Variants in MYRIP observed in about 807,000 individuals in gnomAD.
The protein encoded by MYRIP is rab effector MyRIP.
In MYRIP, 49 loss-of-function variants were observed where a neutral mutation model predicts 98.0. The ratio of observed to expected loss-of-function variants is 0.50; its 90% CI spans 0.40 to 0.63. The LOEUF is 0.63. Among genes scored for constraint, MYRIP ranks in the 30% least tolerant of loss-of-function variants. The pLI is 0.00. For synonymous variants in MYRIP, 404 were observed against 409.5 expected, an observed-to-expected ratio of 0.99 and a Z score of 0.16; for missense variants, 1,004 against 1,058.2, an observed-to-expected ratio of 0.95 and a Z score of 0.71.
At chr3:39,991,747 C>G (rs1213286456) in intron 2 of MYRIP, among the ~76,000 whole-genome samples, 1 of 152,192 alleles carries the variant, frequency 6.6e-6, no homozygotes, top group African/African-American at 2.4e-5. Context: ...CATAGCAGCA[C>G]TCCAGGTGTC....
chr3:39,850,645 T>C (rs1319975820), intron 1 of MYRIP, among the ~76,000 whole-genome samples: 1 of 152,246 alleles, frequency 6.6e-6, no homozygotes, highest in Non-Finnish European at 1.5e-5. Context: ...CCTACTGTGT[T>C]TGATCACAAA....
chr3:39,944,330 A>G (rs979700781), intron 2 of MYRIP, among the ~76,000 whole-genome samples: 1 of 152,192 alleles, frequency 6.6e-6, no homozygotes, highest in Non-Finnish European at 1.5e-5. Flanking sequence ...AAAACATACT[A>G]TGGTATATCC....
At chr3:39,891,218 A>G (rs910024692) in intron 1 of MYRIP, among the ~76,000 whole-genome samples, 1 of 152,066 alleles carries the variant, frequency 6.6e-6, no homozygotes, top group Admixed American at 6.6e-5. Flanking sequence ...GGTAATGCAT[A>G]TTTATTTTTA....
At chr3:39,809,198 G>T (rs1940571031), upstream of MYRIP, among the ~76,000 whole-genome samples, 1 of 152,030 alleles carries the variant, frequency 6.6e-6, no homozygotes, top group Admixed American at 6.5e-5. Flanking sequence ...GGTCACTGAG[G>T]GTCCGGGCCC....
chr3:40,136,936 G>A (rs1239326433), intron 3 of MYRIP, among the ~76,000 whole-genome samples: 4 of 152,186 alleles, frequency 2.6e-5, no homozygotes, highest in East Asian at 1.9e-4. Flanking sequence ...AAGCAGGAAA[G>A]ATCTAAAATG....
intron 3 of MYRIP, among the ~76,000 whole-genome samples, chr3:40,150,493 T>A (rs1950098890): frequency 6.6e-6 from 1 of 152,256 alleles, no homozygotes; most frequent in Non-Finnish European, 1.5e-5. Flanking sequence ...AGAATTTTGC[T>A]ATCTTCCTTG....
chr3:40,204,932 C>A (rs544657637), intron 10 of MYRIP, among the ~76,000 whole-genome samples: 9 of 152,288 alleles, frequency 5.9e-5, no homozygotes, highest in Admixed American at 5.9e-4. Flanking sequence ...ACCCCTTCCA[C>A]GGGCACCAGA....
At chr3:40,156,857 T>A (rs1340267511) in intron 4 of MYRIP, among the ~76,000 whole-genome samples, 1 of 151,964 alleles carries the variant, frequency 6.6e-6, no homozygotes, top group Non-Finnish European at 1.5e-5. Context: ...TCCTGAAGAC[T>A]TTGCTGAAGT....
Position 40,250,423 on chromosome 3 carries a change from T to C in MYRIP, c.2368-16T>C. 1 of 1,614,126 alleles carries C rather than the reference T, an allele frequency of 6.2e-7. No homozygotes were observed. Among genetic ancestry groups the C allele is most frequent in the Admixed American group, 1.7e-5 (1 of 60,002 alleles). ...GGCTCTGCAAAGGTATATTGCTCAT[T>C]GTGTTCTGTTTGTAGGTACAAACCA... is the stretch of plus-strand genomic sequence containing the variant. On this transcript the variant is annotated splice_polypyrimidine_tract_variant and intron_variant, in intron 14 of 16. Transcript: ENST00000302541.
intron 1 of MYRIP, among the ~76,000 whole-genome samples, chr3:39,810,173 G>A (rs1429792524): frequency 6.6e-6 from 1 of 152,236 alleles, no homozygotes; most frequent in Non-Finnish European, 1.5e-5. Flanking sequence ...CGCTGCTGGG[G>A]TGGGAGCTCG....
chr3:39,923,041 A>G (rs1482868675), intron 2 of MYRIP, among the ~76,000 whole-genome samples: 1 of 152,212 alleles, frequency 6.6e-6, no homozygotes, highest in Non-Finnish European at 1.5e-5. Context: ...AGAAGAACCA[A>G]GTAGAAATTT....
intron 15 of MYRIP, among the ~76,000 whole-genome samples, chr3:40,251,673 C>A (rs1953381247): frequency 6.6e-6 from 1 of 152,196 alleles, no homozygotes; most frequent in Non-Finnish European, 1.5e-5. Flanking sequence ...TATCGTTCCA[C>A]AGAAAGCTAT....
chr3:40,225,936 C>T (rs931140673), intron 11 of MYRIP, among the ~76,000 whole-genome samples: 16 of 152,254 alleles, frequency 1.1e-4, no homozygotes, highest in African/African-American at 2.4e-4. Flanking sequence ...CCCCTGTTAA[C>T]GTTTCCTGTT....
At chr3:39,821,751 AT>A (rs1004909561) in intron 1 of MYRIP, among the ~76,000 whole-genome samples, 66 of 150,986 alleles carry the variant, frequency 4.4e-4, no homozygotes, top group Admixed American at 4.0e-3. Context: ...ACTTTTTAAT[AT>A]TTTTTTTTCT....
intron 9 of MYRIP, among the ~76,000 whole-genome samples, chr3:40,188,228 G>A (rs1324972255): frequency 6.6e-6 from 1 of 152,190 alleles, no homozygotes; most frequent in Non-Finnish European, 1.5e-5. Flanking sequence ...TCTGTGGGCA[G>A]CACTGTGAAA....
chr3:40,096,285 A>C (rs1340449639), intron 3 of MYRIP, among the ~76,000 whole-genome samples: 1 of 152,174 alleles, frequency 6.6e-6, no homozygotes, highest in African/African-American at 2.4e-5. Context: ...ATGGTCACAC[A>C]GTCACTGTGA....
intron 12 of MYRIP, among the ~76,000 whole-genome samples, chr3:40,244,035 T>C (rs1241850408): frequency 6.6e-6 from 1 of 152,216 alleles, no homozygotes; most frequent in East Asian, 1.9e-4. Context: ...CTCTTTCTTG[T>C]TTTCTGATTT....
At chr3:39,970,287 T>C (rs2125743652) in intron 2 of MYRIP, 1 of 152,176 alleles carries the variant, frequency 6.6e-6, no homozygotes, top group East Asian at 1.9e-4. Flanking sequence ...AAAAATACAA[T>C]AGATAGCATT....
intron 3 of MYRIP, among the ~76,000 whole-genome samples, chr3:40,107,334 C>T (rs1356808554): frequency 6.6e-6 from 1 of 152,204 alleles, no homozygotes; most frequent in Non-Finnish European, 1.5e-5. Context: ...TCTTGAAACT[C>T]TAATTTTCAA....
Sources: gnomAD v4.1 joint callset for allele counts (sites outside exome capture counted in the v4.1 genomes callset) on GRCh38, gnomAD v4.1.1 for gene constraint, MANE v1.5 for transcripts, NCBI Gene and HGNC (gene_info 2026-07-23, HGNC 2026-07-21) for gene names.